The following TET1 variants were observed in gnomAD, a reference collection of about 807,000 sequenced individuals.
TET1 encodes methylcytosine dioxygenase TET1.
Under a neutral mutation model 148.7 loss-of-function variants are expected in TET1, and 13 were observed. The ratio of observed to expected loss-of-function variants is 0.09; its 90% CI spans 0.06 to 0.14. The LOEUF is 0.14. TET1 is among the 10% of genes least tolerant of loss of function. The pLI, the probability that TET1 is intolerant of heterozygous loss-of-function variation, is 1.00. For synonymous variants in TET1, 907 were observed against 937.2 expected (o/e 0.97, Z 0.59); for missense variants, 2,182 against 2,553.8 (o/e 0.85, Z 3.14).
intron 3 of TET1, among the ~76,000 whole-genome samples, chr10:68,631,534 A>G (rs1424885951): frequency 6.6e-6 from 1 of 151,084 alleles, no homozygotes; most frequent in Non-Finnish European, 1.5e-5. Context: ...CAGCCTCCCA[A>G]AAGTGCTGGG....
intron 6 of TET1, among the ~76,000 whole-genome samples, chr10:68,658,970 G>A (rs2055065324): frequency 2.0e-5 from 3 of 152,174 alleles, no homozygotes; most frequent in Admixed American, 2.0e-4. Context: ...GCTCATGCCT[G>A]TAAACCCAGC....
chr10:68,686,237 G>A (rs1430898755), intron 10 of TET1, 119 bp from the exon 11 acceptor site: 2 of 844,688 alleles, frequency 2.4e-6, no homozygotes, highest in Non-Finnish European at 3.6e-6. Flanking sequence ...GCAACCAATT[G>A]AAAATAAAAT....
intron 1 of TET1, among the ~76,000 whole-genome samples, chr10:68,569,830 G>T (rs1219407130): frequency 6.6e-6 from 1 of 152,130 alleles, no homozygotes; most frequent in Non-Finnish European, 1.5e-5. Context: ...TACAAGGGGT[G>T]TGGTTTCTAA....
In TET1 at chr10:68,694,074, T is replaced by C; in HGVS notation, c.*2260T>C. 4.3e-6 allele frequency: 1 copy of C among 232,164 alleles called. No individual in the cohort carries two copies. The highest frequency in any genetic ancestry group is 6.1e-5 in the East Asian group (1 of 16,308). 14.4% of individuals were successfully genotyped at this position (232,164 alleles called of 1,614,324 possible). A position where few individuals can be genotyped will look rare whatever the true frequency, so the allele number is the denominator to read the frequency against. On this transcript the variant is annotated 3_prime_UTR_variant, in exon 12 of 12. Coordinates refer to ENST00000373644, the MANE Select transcript of TET1 (RefSeq NM_030625.3). ...TAATCCATGGTAATGTATGCAGTAA[T>C]TCAAATTGATCTCTCTCTCAATAGG...
intron 8 of TET1, among the ~76,000 whole-genome samples, chr10:68,677,286 T>C (rs568713988): frequency 9.8e-5 from 15 of 152,296 alleles, no homozygotes; most frequent in African/African-American, 3.1e-4. Flanking sequence ...TGGGAACTCA[T>C]TAGGCATCCA....
At chr10:68,690,091 C>T (rs2055569288) in intron 11 of TET1, among the ~76,000 whole-genome samples, 1 of 152,112 alleles carries the variant, frequency 6.6e-6, no homozygotes, top group South Asian at 2.1e-4. Context: ...AATATAGGGT[C>T]ATACAATGCC....
intron 7 of TET1, 152 bp downstream of exon 7, chr10:68,667,408 A>G: frequency 2.7e-6 from 2 of 741,096 alleles, no homozygotes; most frequent in Non-Finnish European, 4.3e-6. Flanking sequence ...GTAAAGAGAG[A>G]GTCTCTATTT....
rs2053949033 is a variant in TET1, at chr10:68,593,919, T to TTTG, written c.1915-7060_1915-7059insGTT. 1.3e-4 allele frequency among the ~76,000 whole-genome samples: 14 copies of TTTG among 110,360 alleles called. No individual in the cohort carries two copies. In the South Asian group the frequency reaches 4.9e-3, roughly 39 times the overall value. The allele number at this position is 110,360 out of a possible 152,430, so 72.4% of individuals were successfully genotyped here. A position where few individuals can be genotyped will look rare whatever the true frequency, so the allele number is the denominator to read the frequency against. On this transcript the variant is annotated intron_variant, in intron 2 of 11. Transcript: ENST00000373644. ...GTGAGCCACTGCGCCTGAGCTATTT[T>TTTG]TTTTTTTTTTTTTTTTTTTTTTTTG... is the stretch of plus-strand genomic sequence containing the variant.
Position 68,645,033 on chromosome 10 carries a change from T to C in TET1, c.2304T>C (p.Ala768=). ...NGIKHVHCLP[A]ETNVSFKKFN... ...TTAAACATGTACACTGTTTACCAGC[T>C]GAAACAAATGTTTCATTTAAAAAAT... The change falls in exon 4 of 12, where the codon GCT becomes GCC. Residue 768 remains alanine (A), a synonymous_variant. Coordinates refer to ENST00000373644, the MANE Select transcript of TET1 (RefSeq NM_030625.3). 1 of 1,613,336 alleles carries C rather than the reference T, an allele frequency of 6.2e-7. No individual in the cohort carries two copies. Among genetic ancestry groups the C allele is most frequent in the South Asian group, 1.1e-5 (1 of 90,774 alleles).
intron 8 of TET1, among the ~76,000 whole-genome samples, chr10:68,674,097 G>T (rs10998382): frequency 6.6e-6 from 1 of 151,060 alleles, no homozygotes; most frequent in Non-Finnish European, 1.5e-5. Context: ...AAATAGCTGA[G>T]ATTACAGGCA....
At chr10:68,688,329 C>A (rs946900839) in intron 11 of TET1, among the ~76,000 whole-genome samples, 5 of 151,798 alleles carry the variant, frequency 3.3e-5, no homozygotes, top group Non-Finnish European at 7.4e-5. Flanking sequence ...AACTCCTGAC[C>A]TCAAGTGATC....
chr10:68,580,501 C>T (rs534567929), intron 2 of TET1, among the ~76,000 whole-genome samples: 4 of 149,302 alleles, frequency 2.7e-5, no homozygotes, highest in African/African-American at 7.3e-5. Flanking sequence ...TGTAGAAGGC[C>T]GGGCACGGTG....
intron 3 of TET1, among the ~76,000 whole-genome samples, chr10:68,608,584 G>T (rs536536026): frequency 6.6e-6 from 1 of 152,240 alleles, no homozygotes; most frequent in Admixed American, 6.5e-5. Context: ...ACCCAGGCAG[G>T]AGTGCAGTGG....
rs752863361 is a variant in TET1, at chr10:68,646,225, G to A, written c.3496G>A (p.Val1166Ile). 5.6e-6 allele frequency: 9 copies of A among 1,614,130 alleles called. No individual in the cohort carries two copies. Among genetic ancestry groups the A allele is most frequent in the South Asian group, 5.5e-5 (5 of 91,082 alleles). The change falls in exon 4 of 12, where the codon GTA (valine) becomes ATA (isoleucine). Residue 1166 changes from valine (V) to isoleucine (I), a missense_variant. By Grantham distance (29) the Val-to-Ile change is conservative (BLOSUM62 3). Around this residue, in one of 11 missense-constraint regions of TET1, gnomAD observed 582 missense variants for 599.5 expected, o/e 0.97. Transcript: ENST00000373644. ...TCGGCGGAAAAAGAAGCCCACAGTT[G>A]TAAGTTATCAAGAAAATGATCGGCA... ...RDRRKKKPTVVSYQENDRQKW... is the reference protein window; with the variant it reads ...RDRRKKKPTVISYQENDRQKW...
At chr10:68,686,217 T>C in intron 10 of TET1, 139 bp from the exon 11 acceptor site, 1 of 710,274 alleles carries the variant, frequency 1.4e-6, no homozygotes, top group Non-Finnish European at 2.3e-6. Context: ...AAAATAATAA[T>C]ATACCATCAG....
intron 3 of TET1, among the ~76,000 whole-genome samples, chr10:68,615,079 C>T (rs367741959): frequency 3.3e-5 from 5 of 151,684 alleles, no homozygotes; most frequent in Non-Finnish European, 7.4e-5. Context: ...GGATTACAGG[C>T]GTGTGCCACC....
intron 1 of TET1, among the ~76,000 whole-genome samples, chr10:68,568,368 G>A (rs1435685328): frequency 6.6e-5 from 10 of 151,718 alleles, no homozygotes; most frequent in Non-Finnish European, 1.2e-4. Context: ...GATTACAGGC[G>A]CCCACCACCA....
intron 3 of TET1, among the ~76,000 whole-genome samples, chr10:68,642,558 T>C (rs1177889796): frequency 6.6e-6 from 1 of 152,184 alleles, no homozygotes; most frequent in East Asian, 1.9e-4. Flanking sequence ...AGAATGGCTA[T>C]GTTGTACAAC....
chr10:68,609,876 A>T (rs1322740192), intron 3 of TET1, among the ~76,000 whole-genome samples: 1 of 151,956 alleles, frequency 6.6e-6, no homozygotes, highest in Non-Finnish European at 1.5e-5. Context: ...GGCAGGGCAC[A>T]GTGGCTCATA....
Sources: gnomAD v4.1 joint callset for allele counts (sites outside exome capture counted in the v4.1 genomes callset) on GRCh38, gnomAD v4.1.1 for gene constraint, gnomAD v4.1.1 regional missense constraint, MANE v1.5 for transcripts, NCBI Gene and HGNC (gene_info 2026-07-23, HGNC 2026-07-21) for gene names.